The following ADAMTS9 variants were observed in gnomAD, a reference collection of about 807,000 sequenced individuals.
ADAMTS9 encodes the protein A disintegrin and metalloproteinase with thrombospondin motifs 9.
A neutral mutation model predicts 257.1 loss-of-function variants in ADAMTS9; 107 were observed. That is an observed-to-expected ratio of 0.42 (90% CI 0.36 to 0.49). The LOEUF is 0.49. Among genes scored for constraint, ADAMTS9 ranks in the 20% least tolerant of loss-of-function variants. ADAMTS9 has a pLI of 0.03. For synonymous variants in ADAMTS9, 982 were observed against 880.9 expected (o/e 1.11, Z -2.03); for missense variants, 2,353 against 2,469.1 (o/e 0.95, Z 1.00).
chr3:64,638,435 T>C (rs1200451879), intron 12 of ADAMTS9, among the ~76,000 whole-genome samples: 1 of 152,168 alleles, frequency 6.6e-6, no homozygotes, highest in Non-Finnish European at 1.5e-5. Flanking sequence ...TACACACGTC[T>C]TATAGGCTGG....
rs35990034 is a variant in ADAMTS9, at chr3:64,546,902, G to A, written c.4920C>T (p.Ser1640=). 4,538 of 1,613,860 alleles carry A rather than the reference G, an allele frequency of 2.8e-3. 82 individuals carry two copies. The African/African-American group carries it at 0.053, about 19-fold the overall frequency. Residue 1640 remains serine, a synonymous_variant, in exon 32 of 40, where the codon AGC becomes AGT. Transcript: ENST00000498707. The part of the protein sequence containing the change: ...KGYKQRLVSC[S]EIYTGKENYE... ...AATTCTCCTTCCCGGTGTAAATCTC[G>A]CTGCACGAGACAAGCCTTTGTTTGT...
intron 32 of ADAMTS9, among the ~76,000 whole-genome samples, chr3:64,543,951 A>C (rs1415970368): frequency 6.6e-6 from 1 of 152,226 alleles, no homozygotes; most frequent in African/African-American, 2.4e-5. Flanking sequence ...TGCAAAAATC[A>C]CAAGCATTCT....
At chr3:64,524,259 T>C (rs189080028) in intron 38 of ADAMTS9, among the ~76,000 whole-genome samples, 1 of 152,332 alleles carries the variant, frequency 6.6e-6, no homozygotes, top group East Asian at 1.9e-4. Flanking sequence ...GGAGCTTCAA[T>C]CTCATTTTCA....
chr3:64,546,090 T>C (rs2106921511), intron 32 of ADAMTS9, among the ~76,000 whole-genome samples: 1 of 152,344 alleles, frequency 6.6e-6, no homozygotes, highest in South Asian at 2.1e-4. Flanking sequence ...TCTGTAACTC[T>C]TATGAGTATC....
At chr3:64,569,729 A>G (rs1416741662) in intron 28 of ADAMTS9, among the ~76,000 whole-genome samples, 3 of 152,230 alleles carry the variant, frequency 2.0e-5, no homozygotes, top group Non-Finnish European at 2.9e-5. Context: ...AGAAATGTGA[A>G]GTACGTATAT....
chr3:64,550,719 G>A, intron 31 of ADAMTS9, 173 bp downstream of exon 31: 1 of 716,986 alleles, frequency 1.4e-6, no homozygotes. Context: ...TTGCATACAA[G>A]GAATTCTAGC....
intron 2 of ADAMTS9, 36 bp from the exon 3 acceptor site, chr3:64,681,399 T>TA: frequency 6.3e-7 from 1 of 1,579,970 alleles, no homozygotes; most frequent in South Asian, 1.2e-5. Context: ...TGATTTAACG[T>TA]AACTCAGTCA....
rs1316103713 is a variant in ADAMTS9 at position 64,558,709 on chromosome 3, A to C, written c.4698+2869T>G. ...CCTTGCCAACAAACTGGTGGGTTTT[A>C]ATAGTCCACATAGGGGACTATTAAA... On this transcript the variant is annotated intron_variant, in intron 30 of 39. Coordinates refer to ENST00000498707, the MANE Select transcript of ADAMTS9 (RefSeq NM_182920.2). Among the ~76,000 whole-genome samples, 12 of 152,200 alleles carry C rather than the reference A, an allele frequency of 7.9e-5. No individual in the cohort carries two copies. The South Asian group carries it at 1.7e-3, about 21-fold the overall frequency.
intron 28 of ADAMTS9, among the ~76,000 whole-genome samples, chr3:64,572,603 TG>T (rs775229725): frequency 1.1e-4 from 17 of 152,154 alleles, no homozygotes; most frequent in Non-Finnish European, 2.2e-4. Flanking sequence ...ATGGGATCCC[TG>T]GGGTTGCTGA....
intron 6 of ADAMTS9, 148 bp downstream of exon 6, chr3:64,655,428 A>T: frequency 1.5e-6 from 1 of 654,360 alleles, no homozygotes; most frequent in Non-Finnish European, 2.7e-6. Context: ...ACATCTTGCA[A>T]TGCACAGAAG....
chr3:64,532,036 C>T (rs1341522793), intron 38 of ADAMTS9, among the ~76,000 whole-genome samples: 2 of 152,186 alleles, frequency 1.3e-5, no homozygotes, highest in African/African-American at 4.8e-5. Flanking sequence ...TCCCCCCACC[C>T]TTAGAGATTC....
chr3:64,530,526 TAAAAA>T (rs55726329), intron 38 of ADAMTS9, among the ~76,000 whole-genome samples: 16 of 116,602 alleles, frequency 1.4e-4, no homozygotes, highest in African/African-American at 4.9e-4. Context: ...CACCAAGATT[TAAAAA>T]AAAAAAAAAA....
At chr3:64,640,867 C>G (rs757987461) in intron 12 of ADAMTS9, among the ~76,000 whole-genome samples, 7 of 151,866 alleles carry the variant, frequency 4.6e-5, no homozygotes, top group Non-Finnish European at 8.8e-5. Context: ...ATGACAAATG[C>G]TGGGAAAAAA....
At chr3:64,549,189 T>C (rs535269610) in intron 31 of ADAMTS9, among the ~76,000 whole-genome samples, 26 of 152,350 alleles carry the variant, frequency 1.7e-4, no homozygotes, top group African/African-American at 6.3e-4. Context: ...CCTGTAGTTG[T>C]TGCCCATAAA....
chr3:64,607,494 TAA>T (rs2084580397), intron 22 of ADAMTS9, among the ~76,000 whole-genome samples: 1 of 152,112 alleles, frequency 6.6e-6, no homozygotes, highest in Admixed American at 6.5e-5. Flanking sequence ...AATATTTTTA[TAA>T]GAGACAAAAA....
chr3:64,624,810 G>T (rs1022879752), intron 16 of ADAMTS9, among the ~76,000 whole-genome samples: 1 of 152,034 alleles, frequency 6.6e-6, no homozygotes, highest in African/African-American at 2.4e-5. Context: ...CATAATTTTT[G>T]ATTAATTTCT....
chr3:64,620,212 A>C (rs1335955763), intron 19 of ADAMTS9, among the ~76,000 whole-genome samples: 2 of 152,158 alleles, frequency 1.3e-5, no homozygotes, highest in Non-Finnish European at 2.9e-5. Context: ...GGCAGACATT[A>C]GTAGTCAATC....
intron 23 of ADAMTS9, 117 bp downstream of exon 23, chr3:64,606,843 C>T: frequency 8.0e-7 from 1 of 1,255,578 alleles, no homozygotes; most frequent in Non-Finnish European, 1.1e-6. Context: ...AATTAATCTA[C>T]TGGTTGCTCT....
chr3:64,532,598 C>A (rs553306022), intron 38 of ADAMTS9, among the ~76,000 whole-genome samples: 1 of 152,230 alleles, frequency 6.6e-6, no homozygotes, highest in East Asian at 1.9e-4. Context: ...GGTCTGGGAC[C>A]CAGAACCTGC....
Sources: allele counts gnomAD v4.1 joint callset (sites outside exome capture counted in the v4.1 genomes callset), GRCh38; gene constraint gnomAD v4.1.1; transcripts MANE v1.5; gene names NCBI Gene and HGNC (gene_info 2026-07-23, HGNC 2026-07-21).